DOCK1: variants seen among roughly 807,000 people sequenced by gnomAD.
DOCK1 encodes dedicator of cytokinesis 1.
A neutral mutation model predicts 262.7 loss-of-function variants in DOCK1; 138 were observed. The ratio of observed to expected loss-of-function variants is 0.53; its 90% CI spans 0.46 to 0.61. DOCK1 has a LOEUF of 0.61. DOCK1 is among the 20% of genes least tolerant of loss of function. The pLI is 0.00. For missense variants in DOCK1, 1,908 were observed against 2,370.7 expected (o/e 0.80, Z 4.05); for synonymous variants, 866 against 867.4 (o/e 1.00, Z 0.03).
chr10:127,122,532 C>T (rs936010470), intron 25 of DOCK1, among the ~76,000 whole-genome samples: 1 of 152,026 alleles, frequency 6.6e-6, no homozygotes, highest in Non-Finnish European at 1.5e-5. Context: ...AAGTAGACAT[C>T]GCCCCACCTC....
intron 29 of DOCK1, among the ~76,000 whole-genome samples, chr10:127,328,380 C>T (rs2062832065): frequency 6.6e-6 from 1 of 152,162 alleles, no homozygotes; most frequent in Non-Finnish European, 1.5e-5. Context: ...TGACTACTTC[C>T]TTTTTTTCTG....
At chr10:127,211,756 T>C (rs1349871798) in intron 27 of DOCK1, among the ~76,000 whole-genome samples, 1 of 152,178 alleles carries the variant, frequency 6.6e-6, no homozygotes, top group Non-Finnish European at 1.5e-5. Context: ...GGTCCAGCCC[T>C]GCTGTCCAGG....
chr10:127,364,664 C>G (rs1427592952), intron 33 of DOCK1, among the ~76,000 whole-genome samples: 1 of 152,180 alleles, frequency 6.6e-6, no homozygotes, highest in Non-Finnish European at 1.5e-5. Context: ...GTGCCCAGCC[C>G]TAGGCAGTTT....
intron 1 of DOCK1, among the ~76,000 whole-genome samples, chr10:126,945,290 C>T (rs1304911631): frequency 6.6e-6 from 1 of 151,910 alleles, no homozygotes; most frequent in Non-Finnish European, 1.5e-5. Flanking sequence ...GTGGTGTTGG[C>T]AGGATTCACT....
intron 28 of DOCK1, among the ~76,000 whole-genome samples, chr10:127,250,030 C>A (rs762431659): frequency 6.6e-6 from 1 of 152,086 alleles, no homozygotes; most frequent in Admixed American, 6.6e-5. Context: ...ACATTTTATT[C>A]CATAATTGAA....
intron 12 of DOCK1, among the ~76,000 whole-genome samples, chr10:127,014,192 T>C (rs2041689862): frequency 6.6e-6 from 1 of 152,288 alleles, no homozygotes; most frequent in African/African-American, 2.4e-5. Context: ...ATCCAAATTA[T>C]TCTGATCCCT....
chr10:126,943,475 T>A (rs1278600321), intron 1 of DOCK1, among the ~76,000 whole-genome samples: 1 of 152,162 alleles, frequency 6.6e-6, no homozygotes, highest in Non-Finnish European at 1.5e-5. Context: ...TAGCATAAGA[T>A]TGAGGTTAAA....
chr10:127,323,712 A>T (rs1023190618), intron 29 of DOCK1, among the ~76,000 whole-genome samples: 6 of 152,220 alleles, frequency 3.9e-5, no homozygotes, highest in African/African-American at 1.4e-4. Context: ...GGTGAACCTC[A>T]TGGATTCTTT....
At chr10:127,062,488 T>C (rs959053428) in intron 23 of DOCK1, among the ~76,000 whole-genome samples, 1 of 152,220 alleles carries the variant, frequency 6.6e-6, no homozygotes, top group Admixed American at 6.5e-5. Context: ...CTGGACTTTA[T>C]TCTTCTTATC....
At chr10:127,016,740 C>CACACAA in intron 12 of DOCK1, among the ~76,000 whole-genome samples, 2 of 142,616 alleles carry the variant, frequency 1.4e-5, no homozygotes, top group Admixed American at 7.1e-5. Flanking sequence ...ACACCACACA[C>CACACAA]ACACACACTA....
At chr10:126,937,741 A>G (rs1189309832) in intron 1 of DOCK1, among the ~76,000 whole-genome samples, 1 of 151,926 alleles carries the variant, frequency 6.6e-6, no homozygotes, top group Non-Finnish European at 1.5e-5. Context: ...TATTCTGGAT[A>G]TTAAGCCCTT....
chr10:127,103,777 T>C (rs2048384435), intron 23 of DOCK1, among the ~76,000 whole-genome samples: 1 of 152,176 alleles, frequency 6.6e-6, no homozygotes, highest in Non-Finnish European at 1.5e-5. Context: ...TCAGTTTTTG[T>C]GAATGTAGGT....
chr10:127,032,312 C>A lies in DOCK1; in HGVS notation c.1904C>A (p.Thr635Asn). 6.4e-7 allele frequency: 1 copy of A among 1,553,992 alleles called. No homozygotes were observed. The highest frequency in any genetic ancestry group is 8.7e-7 in the Non-Finnish European group (1 of 1,154,594). ...ACGCTCGTGTGCTCCACCAAACTGACTCAGAACGGTGCGTTCGAGAGGAGA... is the reference window on the plus strand; with the variant it reads ...ACGCTCGTGTGCTCCACCAAACTGAATCAGAACGGTGCGTTCGAGAGGAGA... ...ISTLVCSTKL[T>N]QNVDLLGLLK... Residue 635 changes from threonine to asparagine, a missense_variant, in exon 18 of 52, where the codon ACT becomes AAT. Transcript: ENST00000623213.
intron 16 of DOCK1, among the ~76,000 whole-genome samples, chr10:127,029,450 C>A (rs1244768092): frequency 6.6e-6 from 1 of 152,228 alleles, no homozygotes; most frequent in Non-Finnish European, 1.5e-5. Context: ...AACATAATAC[C>A]TTTCCAGCAA....
intron 23 of DOCK1, among the ~76,000 whole-genome samples, chr10:127,081,477 C>T (rs1198206142): frequency 1.3e-5 from 2 of 151,732 alleles, no homozygotes; most frequent in African/African-American, 2.4e-5. Context: ...GTGGTGTGTC[C>T]CCTGGGTCCC....
chr10:126,947,915 GTGGTGGT>G (rs2035680270), intron 1 of DOCK1, among the ~76,000 whole-genome samples: 1 of 132,450 alleles, frequency 7.6e-6, no homozygotes. Flanking sequence ...GTTGGTGATG[GTGGTGGT>G]TGGTAGTATT....
chr10:127,308,606 C>A (rs2061958073), intron 29 of DOCK1, among the ~76,000 whole-genome samples: 1 of 152,146 alleles, frequency 6.6e-6, no homozygotes, highest in African/African-American at 2.4e-5. Flanking sequence ...CCCTGACAGG[C>A]CCTGGTACGC....
chr10:127,372,170 A>G (rs954192421), intron 33 of DOCK1, among the ~76,000 whole-genome samples: 2 of 152,230 alleles, frequency 1.3e-5, no homozygotes, highest in African/African-American at 4.8e-5. Context: ...ACTTCTCTCC[A>G]GCCCTGAAAG....
rs111385722 is a variant in DOCK1 at position 126,921,245 on chromosome 10, T to C, written c.46+15682T>C. On this transcript the variant is annotated intron_variant, in intron 1 of 51. Transcript: ENST00000623213. ...GTTCAAACAAGTAGTTATTTACAAT[T>C]GTTCGTAGCAGCATTAGTCACAATA... Among the ~76,000 whole-genome samples the C allele has an allele frequency of 3.9e-3, 589 of 151,614 alleles. 9 individuals are homozygous for C. The highest frequency in any genetic ancestry group is 0.013 in the African/African-American group (532 of 41,300).
Sources: gnomAD v4.1 joint callset for allele counts (sites outside exome capture counted in the v4.1 genomes callset) on GRCh38, gnomAD v4.1.1 for gene constraint, MANE v1.5 for transcripts, NCBI Gene and HGNC (gene_info 2026-07-23, HGNC 2026-07-21) for gene names.